Variants in C8orf34 observed in about 807,000 individuals in gnomAD.
The protein encoded by C8orf34 is chromosome 8 open reading frame 34.
A neutral mutation model predicts 68.3 loss-of-function variants in C8orf34; 65 were observed. That is an observed-to-expected ratio of 0.95 (90% CI 0.78 to 1.17). The LOEUF is 1.17. C8orf34 is among the 50% of genes most tolerant of loss of function. C8orf34 has a pLI of 0.00. For synonymous variants in C8orf34, 244 were observed against 241.2 expected (o/e 1.01, Z -0.11); for missense variants, 664 against 655.4 (o/e 1.01, Z -0.14).
At chr8:68,543,902 G>T (rs1815782758) in intron 7 of C8orf34, among the ~76,000 whole-genome samples, 1 of 152,124 alleles carries the variant, frequency 6.6e-6, no homozygotes. Context: ...AGGCAGCACA[G>T]GTGTTTGGTT....
At chr8:68,333,816 T>C (rs1805733102) in intron 1 of C8orf34, among the ~76,000 whole-genome samples, 3 of 152,226 alleles carry the variant, frequency 2.0e-5, no homozygotes, top group South Asian at 2.1e-4. Flanking sequence ...CAAATTGAAA[T>C]TGGCCGCTTC....
chr8:68,782,411 T>C (rs949915440), intron 11 of C8orf34, among the ~76,000 whole-genome samples: 4 of 148,190 alleles, frequency 2.7e-5, no homozygotes, highest in African/African-American at 1.0e-4. Context: ...ACCTAAATGG[T>C]ATATTCCAAG....
intron 7 of C8orf34, among the ~76,000 whole-genome samples, chr8:68,619,558 C>T (rs1385759630): frequency 6.6e-6 from 1 of 152,104 alleles, no homozygotes. Context: ...TGTTTCTCTG[C>T]TGATTTTGAC....
chr8:68,467,920 A>T (rs904277620), intron 3 of C8orf34, among the ~76,000 whole-genome samples: 31 of 152,084 alleles, frequency 2.0e-4, no homozygotes, highest in Middle Eastern at 6.8e-3. Context: ...CTATTAAACC[A>T]TTTTTTAAAA....
intron 7 of C8orf34, among the ~76,000 whole-genome samples, chr8:68,622,721 A>C (rs1818423739): frequency 6.6e-6 from 1 of 152,238 alleles, no homozygotes; most frequent in African/African-American, 2.4e-5. Flanking sequence ...ACTGGAGATG[A>C]AACTGAAGTT....
chr8:68,737,882 A>G (rs1822166641), intron 10 of C8orf34, among the ~76,000 whole-genome samples: 1 of 152,040 alleles, frequency 6.6e-6, no homozygotes, highest in Non-Finnish European at 1.5e-5. Context: ...AAATTAACAA[A>G]GATATTTAGG....
chr8:68,543,837 A>C (rs1302705795), intron 7 of C8orf34, among the ~76,000 whole-genome samples: 1 of 152,186 alleles, frequency 6.6e-6, no homozygotes, highest in Non-Finnish European at 1.5e-5. Context: ...TCCACATTGA[A>C]CAGTTATAAA....
At chr8:68,382,105 T>G (rs1045220241) in intron 1 of C8orf34, among the ~76,000 whole-genome samples, 2 of 152,224 alleles carry the variant, frequency 1.3e-5, no homozygotes, top group Admixed American at 1.3e-4. Context: ...CATAAGTACA[T>G]GATAACATAT....
chr8:68,358,983 A>G (rs1200742734), intron 1 of C8orf34, among the ~76,000 whole-genome samples: 1 of 152,024 alleles, frequency 6.6e-6, no homozygotes, highest in Non-Finnish European at 1.5e-5. Context: ...ATAGGCGTGC[A>G]CTCCCACAAC....
intron 5 of C8orf34, among the ~76,000 whole-genome samples, chr8:68,494,787 C>G (rs1247729284): frequency 6.6e-6 from 1 of 151,536 alleles, no homozygotes; most frequent in Non-Finnish European, 1.5e-5. Flanking sequence ...ACACGGGAGG[C>G]GGAGGTTGCA....
intron 4 of C8orf34, among the ~76,000 whole-genome samples, chr8:68,485,632 A>G (rs1813041630): frequency 6.6e-6 from 1 of 151,930 alleles, no homozygotes; most frequent in Non-Finnish European, 1.5e-5. Flanking sequence ...GAATCGTTTG[A>G]ACCCAGGAGG....
chr8:68,378,694 C>G (rs1284591832), intron 1 of C8orf34, among the ~76,000 whole-genome samples: 1 of 152,182 alleles, frequency 6.6e-6, no homozygotes, highest in Non-Finnish European at 1.5e-5. Flanking sequence ...GAAGTCTGTC[C>G]AAGCTGAGAA....
At chr8:68,664,121 G>T (rs1051594185) in intron 8 of C8orf34, among the ~76,000 whole-genome samples, 9 of 152,164 alleles carry the variant, frequency 5.9e-5, no homozygotes, top group Non-Finnish European at 1.2e-4. Flanking sequence ...GGCAGTGAGG[G>T]TCTATGGAGT....
chr8:68,774,739 AATT>A (rs368218562), intron 10 of C8orf34, among the ~76,000 whole-genome samples: 33 of 150,346 alleles, frequency 2.2e-4, no homozygotes, highest in Non-Finnish European at 2.7e-4. Flanking sequence ...AATACATCAC[AATT>A]TTTTTTAAAA....
intron 1 of C8orf34, among the ~76,000 whole-genome samples, chr8:68,391,161 C>T (rs1224392841): frequency 6.6e-6 from 1 of 152,084 alleles, no homozygotes; most frequent in Non-Finnish European, 1.5e-5. Context: ...TATTTACTTA[C>T]TCCATGAGTA....
At chr8:68,598,412 T>C (rs1817607541) in intron 7 of C8orf34, among the ~76,000 whole-genome samples, 1 of 152,074 alleles carries the variant, frequency 6.6e-6, no homozygotes, top group African/African-American at 2.4e-5. Context: ...CCAAGGTTTA[T>C]ATGTTATGCC....
At chr8:68,576,141 T>TACACACACACAC (rs112048534) in intron 7 of C8orf34, among the ~76,000 whole-genome samples, 7 of 149,126 alleles carry the variant, frequency 4.7e-5, no homozygotes, top group African/African-American at 1.7e-4. Context: ...ATATTCTTTT[T>TACACACACACAC]ACACACACAC....
intron 10 of C8orf34, among the ~76,000 whole-genome samples, chr8:68,732,728 G>T (rs1822012064): frequency 6.6e-6 from 1 of 151,976 alleles, no homozygotes; most frequent in Admixed American, 6.6e-5. Flanking sequence ...AATCAATTTT[G>T]AGTTTATTTT....
chr8:68,500,843 T>C (rs1215921250), intron 5 of C8orf34, among the ~76,000 whole-genome samples: 5 of 152,188 alleles, frequency 3.3e-5, no homozygotes, highest in Non-Finnish European at 5.9e-5. Flanking sequence ...GTCTGAATTA[T>C]ATTAAAAAAT....
Sources: allele counts gnomAD v4.1 joint callset (sites outside exome capture counted in the v4.1 genomes callset), GRCh38; gene constraint gnomAD v4.1.1; transcripts MANE v1.5; gene names NCBI Gene and HGNC (gene_info 2026-07-23, HGNC 2026-07-21).